Variants in PNLIPRP1 observed in about 807,000 individuals in gnomAD.
The protein encoded by PNLIPRP1 is pancreatic lipase related protein 1, also known as inactive pancreatic lipase-related protein 1.
PNLIPRP1 carries 57 observed loss-of-function variants against 54.6 expected under a neutral mutation model. That is an observed-to-expected ratio of 1.04 (90% CI 0.84 to 1.30). The LOEUF is 1.30. Among genes scored for constraint, PNLIPRP1 ranks in the 50% most tolerant of loss-of-function variants. The probability of loss-of-function intolerance (pLI) is 0.00; values close to 1 mark genes in which losing one functional copy is unlikely to be tolerated. For synonymous variants in PNLIPRP1, 232 were observed against 208.8 expected (o/e 1.11, Z -0.96); for missense variants, 567 against 568.5 (o/e 1.00, Z 0.03).
At chr10:116,608,376 A>G (rs1847972531) in intron 12 of PNLIPRP1, among the ~76,000 whole-genome samples, 1 of 152,306 alleles carries the variant, frequency 6.6e-6, no homozygotes, top group East Asian at 1.9e-4. Flanking sequence ...TGGGAGGGAA[A>G]GGTCATGAGG....
At chr10:116,600,544 AC>A (rs1205265740) in intron 9 of PNLIPRP1, 1 of 183,696 alleles carries the variant, frequency 5.4e-6, no homozygotes, top group Non-Finnish European at 1.1e-5. Context: ...AATAATTCAC[AC>A]CAGAGAGAAA....
chr10:116,596,224 G>A lies in PNLIPRP1; in HGVS notation c.476G>A (p.Ser159Asn), dbSNP rs782165889. The change falls in exon 6 of 13, where the codon AGC (serine) becomes AAC (asparagine). Residue 159 changes from serine to asparagine, a missense_variant. Transcript: ENST00000358834. ...QMLDILLTEY[S>N]YPPSKVHLIG... is the part of the protein sequence containing the mutation. ...ATCTTCCCTCTCCAGACAGAGTATA[G>A]CTACCCCCCTTCCAAAGTTCACCTC... The A allele has an allele frequency of 2.5e-6, 4 of 1,610,968 alleles. No homozygotes were observed. The highest frequency in any genetic ancestry group is 8.5e-7 in the Non-Finnish European group (1 of 1,177,234).
In PNLIPRP1 at chr10:116,594,839, T is replaced by A. The variant is rs782506173; in HGVS notation, c.440T>A (p.Val147Glu). The A allele has an allele frequency of 6.2e-7, 1 of 1,614,004 alleles. No homozygotes were observed. Among genetic ancestry groups the A allele is most frequent in the South Asian group, 1.1e-5 (1 of 91,074 alleles). Residue 147 changes from valine to glutamate, a missense_variant, in exon 5 of 13, where the codon GTG (valine) becomes GAG (glutamate). By Grantham distance (121) the Val-to-Glu change is moderately radical. Transcript: ENST00000358834. ...AACGTGCGAGTGGTGGGCGCCCAGG[T>A]GGCCCAGATGCTCGACATCCTCTTG... ...ANNVRVVGAQ[V>E]AQMLDILLTE...
chr10:116,594,169 A>T, intron 4 of PNLIPRP1: 1 of 368,228 alleles, frequency 2.7e-6, no homozygotes, highest in Non-Finnish European at 5.3e-6. Context: ...CTCCTTTGAC[A>T]TCCAGGAAGA....
chr10:116,599,905 AT>A, intron 8 of PNLIPRP1, 141 bp from the exon 9 acceptor site: 1 of 684,264 alleles, frequency 1.5e-6, no homozygotes, highest in Non-Finnish European at 2.7e-6. Flanking sequence ...GTTAATTGTC[AT>A]TATGGTGGCT....
rs552854986 is a variant in PNLIPRP1, at chr10:116,591,782, T to G, written c.61T>G (p.Cys21Gly). 9.3e-6 allele frequency: 15 copies of G among 1,614,112 alleles called. No individual in the cohort carries two copies. The highest frequency in any genetic ancestry group is 6.7e-5 in the East Asian group (3 of 44,880). Residue 21 changes from cysteine (C) to glycine (G), a missense_variant, in exon 3 of 13, where the codon TGC becomes GGC. Transcript: ENST00000358834. ...LLGAAKGKEV[C>G]YEDLGCFSDT... is the part of the protein sequence containing the mutation. Reference sequence around the variant, plus strand: ...ACCTTTCTCTGTAGGAAAAGAAGTTTGCTATGAGGACCTCGGGTGCTTTTC... The same window carrying G: ...ACCTTTCTCTGTAGGAAAAGAAGTTGGCTATGAGGACCTCGGGTGCTTTTC...
chr10:116,592,279 A>G (rs369566194), intron 3 of PNLIPRP1, 137 bp from the exon 4 acceptor site: 7 of 915,042 alleles, frequency 7.6e-6, no homozygotes, highest in Middle Eastern at 3.5e-4. Flanking sequence ...AAGGGAGATC[A>G]GGGTGGGCTT....
chr10:116,606,882 TGGATATAAGACATCA>T (rs1358485482), intron 12 of PNLIPRP1, among the ~76,000 whole-genome samples: 66 of 152,300 alleles, frequency 4.3e-4, no homozygotes, highest in African/African-American at 1.4e-3. Context: ...TAAGAGCAGC[TGGATATAAGACATCA>T]GGTTTTCTAA....
At chr10:116,591,696 A>G (rs1554863167) in intron 2 of PNLIPRP1, 75 bp from the exon 3 acceptor site, 1 of 1,450,760 alleles carries the variant, frequency 6.9e-7, no homozygotes, top group Non-Finnish European at 9.5e-7. Context: ...AAGAGTGACC[A>G]GGCCCGAACA....
At chr10:116,595,882 A>G in intron 5 of PNLIPRP1, 1 of 214,452 alleles carries the variant, frequency 4.7e-6, no homozygotes, top group Non-Finnish European at 9.4e-6. Context: ...AGAGACGTCT[A>G]AATTGACAGC....
intron 12 of PNLIPRP1, among the ~76,000 whole-genome samples, chr10:116,607,501 A>T (rs2133244900): frequency 6.6e-6 from 1 of 152,248 alleles, no homozygotes; most frequent in South Asian, 2.1e-4. Context: ...AGCTCTCAGG[A>T]TGAGGCAGGG....
chr10:116,599,534 C>A (rs1847796529), intron 8 of PNLIPRP1, among the ~76,000 whole-genome samples: 1 of 152,052 alleles, frequency 6.6e-6, no homozygotes. Context: ...GTTATCCAGC[C>A]CTTGTTTTTA....
intron 12 of PNLIPRP1, among the ~76,000 whole-genome samples, chr10:116,607,117 C>T (rs1554865658): frequency 6.6e-6 from 1 of 151,920 alleles, no homozygotes; most frequent in African/African-American, 2.4e-5. Context: ...TTTTTAGTAA[C>T]CTCATTGGGG....
chr10:116,592,360 A>C, intron 3 of PNLIPRP1, 56 bp from the exon 4 acceptor site: 1 of 1,533,782 alleles, frequency 6.5e-7, no homozygotes, highest in South Asian at 1.3e-5. Context: ...TGAGGAAGGA[A>C]AAAGGCCTGT....
At position 116,598,101 on chromosome 10, in the gene PNLIPRP1, A is replaced by T; in HGVS notation, c.749A>T (p.Glu250Val). The change falls in exon 8 of 13, where the codon GAG (glutamate) becomes GTG (valine). Residue 250 changes from glutamate to valine, a missense_variant. Coordinates refer to ENST00000358834, the MANE Select transcript of PNLIPRP1 (RefSeq NM_006229.4). ...GHLDFFPNGG[E>V]SMPGCKKNAL... Reference sequence around the variant, plus strand: ...CTTGACTTCTTCCCCAATGGAGGAGAGAGCATGCCGGGATGCAAGAAGAAT... The same window carrying T: ...CTTGACTTCTTCCCCAATGGAGGAGTGAGCATGCCGGGATGCAAGAAGAAT... The T allele has an allele frequency of 6.2e-7, 1 of 1,614,170 alleles. No individual in the cohort carries two copies. Among genetic ancestry groups the T allele is most frequent in the Non-Finnish European group, 8.5e-7 (1 of 1,180,020 alleles).
intron 9 of PNLIPRP1, chr10:116,600,388 CAG>C (rs1199681617): frequency 4.5e-6 from 2 of 447,752 alleles, no homozygotes; most frequent in Non-Finnish European, 8.0e-6. Context: ...ACTGGGAAAT[CAG>C]AGAGAAAGAG....
At chr10:116,600,936 A>C (rs1345686362) in intron 9 of PNLIPRP1, 136 bp from the exon 10 acceptor site, 6 of 701,782 alleles carry the variant, frequency 8.5e-6, no homozygotes, top group Non-Finnish European at 1.2e-5. Flanking sequence ...TAATTTAGAG[A>C]TCATCTGCTC....
chr10:116,594,975 C>A, intron 5 of PNLIPRP1, 111 bp downstream of exon 5: 1 of 1,307,130 alleles, frequency 7.7e-7, no homozygotes, highest in Non-Finnish European at 1.0e-6. Flanking sequence ...AATTGATATC[C>A]AGACCTTACT....
At position 116,609,148 on chromosome 10, in the gene PNLIPRP1, A is replaced by G. The variant is rs1589579570; in HGVS notation, c.*32A>G. On this transcript the variant is annotated 3_prime_UTR_variant, in exon 13 of 13. Transcript: ENST00000358834. ...GGGGCGACGAGGCTGCTGCGTTCAC[A>G]CTAATAAAATCCACTGGTGCATCTG... 6 of 1,534,044 alleles carry G rather than the reference A, an allele frequency of 3.9e-6. No homozygotes were observed. The highest frequency in any genetic ancestry group is 5.3e-6 in the Non-Finnish European group (6 of 1,123,436).
Sources: gnomAD v4.1 joint callset for allele counts (sites outside exome capture counted in the v4.1 genomes callset) on GRCh38, gnomAD v4.1.1 for gene constraint, MANE v1.5 for transcripts, NCBI Gene and HGNC (gene_info 2026-07-23, HGNC 2026-07-21) for gene names.